Variants in KRT72 observed in about 807,000 individuals in gnomAD.
KRT72 encodes the protein keratin, type II cytoskeletal 72.
KRT72 carries 44 observed loss-of-function variants against 44.7 expected under a neutral mutation model. The observed-to-expected ratio is 0.98, with a 90% confidence interval of 0.77 to 1.27. KRT72 has a LOEUF of 1.27. KRT72 is among the 50% of genes most tolerant of loss of function. The pLI, the probability that KRT72 is intolerant of heterozygous loss-of-function variation, is 0.00. For missense variants in KRT72, 736 were observed against 667.1 expected (o/e 1.10, Z -1.14); for synonymous variants, 302 against 280.4 (o/e 1.08, Z -0.77).
intron 5 of KRT72, 37 bp from the exon 6 acceptor site, chr12:52,590,998 T>A (rs201503262): frequency 2.6e-6 from 4 of 1,557,048 alleles, no homozygotes; most frequent in Admixed American, 3.4e-5. Context: ...AACACAAGGA[T>A]CCTACTGAAC....
At position 52,601,363 on chromosome 12, in the gene KRT72, G is replaced by A. The variant is rs1239994669; in HGVS notation, c.90C>T (p.Ser30=). 3 of 1,543,648 alleles carry A rather than the reference G, an allele frequency of 1.9e-6. No individual in the cohort carries two copies. The East Asian group carries it at 7.3e-5, about 38-fold the overall frequency. ...SAVLSGGIGS[S]SASFRARVKG... ...TGACCCGGGCCCGGAATGAGGCGGA[G>A]CTGCTGCCGATCCCGCCAGAGAGGA... The change falls in exon 1 of 9, where the codon AGC becomes AGT. Residue 30 remains serine (S), a synonymous_variant. Coordinates refer to ENST00000293745, the MANE Select transcript of KRT72 (RefSeq NM_080747.3).
At position 52,585,849 on chromosome 12, in the gene KRT72, G is replaced by A; in HGVS notation, c.*133C>T. The stretch of plus-strand genomic sequence containing the variant: ...GAAGCATCACACCTTGAGGACAACA[G>A]GGAGAGGAAATGGGGTTGGGACTGT... On this transcript the variant is annotated 3_prime_UTR_variant, in exon 9 of 9. Coordinates refer to ENST00000293745, the MANE Select transcript of KRT72 (RefSeq NM_080747.3). 3.7e-6 allele frequency: 3 copies of A among 808,708 alleles called. No individual in the cohort carries two copies. Among genetic ancestry groups the A allele is most frequent in the Non-Finnish European group, 6.1e-6 (3 of 494,234 alleles). The allele number at this position is 808,708 out of a possible 1,614,324, so 50.1% of individuals were successfully genotyped here. A position where few individuals can be genotyped will look rare whatever the true frequency, so the allele number is the denominator to read the frequency against.
chr12:52,590,902 A>G lies in KRT72; in HGVS notation c.1023T>C (p.Ala341=), dbSNP rs1253552220. The G allele has an allele frequency of 1.2e-6, 2 of 1,607,806 alleles. No individual in the cohort carries two copies. The highest frequency in any genetic ancestry group is 4.5e-5 in the East Asian group (2 of 44,772). Residue 341 remains alanine (A), a synonymous_variant, in exon 6 of 9, where the codon GCT becomes GCC. Coordinates refer to ENST00000293745, the MANE Select transcript of KRT72 (RefSeq NM_080747.3). ...TCAGGCGGTTGAGCTCAGAGATTTC[A>G]GCCTTGGTGAGCTTGAGGTCATCCC... ...QHGDDLKLTK[A]EISELNRLIQ... is the part of the protein sequence containing the mutation.
Position 52,587,833 on chromosome 12 carries a change from C to T in KRT72, c.1108G>A (p.Ala370Thr), listed in dbSNP as rs1939841306. Residue 370 changes from alanine (A) to threonine (T), a missense_variant, in exon 7 of 9, where the codon GCC becomes ACC. By Grantham distance (58) the Ala-to-Thr change is moderately conservative. Coordinates refer to ENST00000293745, the MANE Select transcript of KRT72 (RefSeq NM_080747.3). ...VKKQCADLET[A>T]IADAEQRGDC... Reference sequence around the variant, plus strand: ...CCCCGCTGTTCAGCGTCGGCGATGGCCGTCTCCAGATCGGCACACTGAGGG... The same window carrying T: ...CCCCGCTGTTCAGCGTCGGCGATGGTCGTCTCCAGATCGGCACACTGAGGG... The T allele has an allele frequency of 6.2e-7, 1 of 1,614,064 alleles. No homozygotes were observed. Among genetic ancestry groups the T allele is most frequent in the South Asian group, 1.1e-5 (1 of 91,066 alleles).
intron 8 of KRT72, 99 bp downstream of exon 8, chr12:52,586,847 C>G (rs1390355458): frequency 8.6e-7 from 1 of 1,166,788 alleles, no homozygotes; most frequent in Non-Finnish European, 1.3e-6. Context: ...CCCCTGAGCC[C>G]CCTCTGTCAT....
intron 2 of KRT72, among the ~76,000 whole-genome samples, chr12:52,594,203 A>G (rs1310033236): frequency 6.6e-6 from 1 of 152,172 alleles, no homozygotes; most frequent in Non-Finnish European, 1.5e-5. Context: ...GAGTGTGGCA[A>G]TTCCTCAAGG....
At chr12:52,599,288 G>A in intron 1 of KRT72, 176 bp from the exon 2 acceptor site, 1 of 687,924 alleles carries the variant, frequency 1.5e-6, no homozygotes, top group Non-Finnish European at 2.6e-6. Flanking sequence ...TCCAAGACAA[G>A]AAATAGGACC....
intron 5 of KRT72, 52 bp from the exon 6 acceptor site, chr12:52,591,013 G>A: frequency 2.0e-6 from 3 of 1,498,694 alleles, no homozygotes; most frequent in African/African-American, 1.4e-5. Flanking sequence ...CTGAACTAGG[G>A]CAGGTCCCTT....
In KRT72 at chr12:52,593,706, A is replaced by G. The variant is rs1940137371; in HGVS notation, c.642-754T>C. Among the ~76,000 whole-genome samples, 2 of 152,212 alleles carry G rather than the reference A, an allele frequency of 1.3e-5. 1 individual carries two copies. The highest frequency in any genetic ancestry group is 4.1e-4 in the South Asian group (2 of 4,828). On this transcript the variant is annotated intron_variant, in intron 2 of 8. Coordinates refer to ENST00000293745, the MANE Select transcript of KRT72 (RefSeq NM_080747.3). Reference sequence around the variant, plus strand: ...TTAGAAAGAAAAAAAATTCTACAATATGCTACGACATGGATGAACCTTGAG... The same window carrying G: ...TTAGAAAGAAAAAAAATTCTACAATGTGCTACGACATGGATGAACCTTGAG...
rs748919132 is a variant in KRT72 at position 52,590,882 on chromosome 12, C to T, written c.1043G>A (p.Arg348His). 1.2e-5 allele frequency: 19 copies of T among 1,604,930 alleles called. No individual in the cohort carries two copies. The Admixed American group carries it at 2.2e-4, about 18-fold the overall frequency. The change falls in exon 6 of 9, where the codon CGC becomes CAC. Residue 348 changes from arginine (R) to histidine (H), a missense_variant. Physicochemically the swap from Arg to His is conservative, Grantham distance 29. Coordinates refer to ENST00000293745, the MANE Select transcript of KRT72 (RefSeq NM_080747.3). ...CTCTGAGCGGATCCTCTGGATCAGGCGGTTGAGCTCAGAGATTTCAGCCTT... is the reference window on the plus strand; with the variant it reads ...CTCTGAGCGGATCCTCTGGATCAGGTGGTTGAGCTCAGAGATTTCAGCCTT... The part of the protein sequence containing the change: ...LTKAEISELN[R>H]LIQRIRSEIG...
In KRT72 at chr12:52,601,048, CTTG is replaced by C. The variant is rs756263374; in HGVS notation, c.402_404del (p.Asn134del). The C allele has an allele frequency of 1.4e-4, 230 of 1,611,970 alleles. 2 individuals carry two copies. Among genetic ancestry groups the C allele is most frequent in the South Asian group, 8.5e-4 (77 of 90,770 alleles). The stretch of plus-strand genomic sequence containing the variant: ...TCACCTTGTCGATGAAGGAGGCGAA[CTTG>C]TTGTTTAGCGCCTTGATCTGCTCCC... On this transcript the variant is annotated inframe_deletion, in exon 1 of 9. Transcript: ENST00000293745.
At position 52,592,393 on chromosome 12, in the gene KRT72, T is replaced by C. The variant is rs373308271; in HGVS notation, c.798+3A>G. ...TCACAAGAGAGGTCAGCCAAGTCCT[T>C]ACCCCTTCATAAAGGCACTTGAAGA... On this transcript the variant is annotated splice_donor_region_variant and intron_variant, in intron 4 of 8. Transcript: ENST00000293745. 22 of 1,598,884 alleles carry C rather than the reference T, an allele frequency of 1.4e-5. No homozygotes were observed. The African/African-American group carries it at 2.1e-4, about 16-fold the overall frequency.
chr12:52,597,585 A>G (rs1224434251), intron 2 of KRT72, among the ~76,000 whole-genome samples: 1 of 152,204 alleles, frequency 6.6e-6, no homozygotes, highest in African/African-American at 2.4e-5. Flanking sequence ...TATGAAGTAG[A>G]TTCTATTATT....
chr12:52,599,324 G>A, intron 1 of KRT72: 1 of 635,408 alleles, frequency 1.6e-6, no homozygotes, highest in East Asian at 3.3e-5. Flanking sequence ...CAGGAAGAGG[G>A]CTTAAGCAAT....
At chr12:52,588,417 G>A (rs571533046) in intron 6 of KRT72, among the ~76,000 whole-genome samples, 5 of 152,282 alleles carry the variant, frequency 3.3e-5, no homozygotes, top group South Asian at 4.1e-4. Flanking sequence ...ACCAAACACC[G>A]CATGTTCTCA....
intron 6 of KRT72, 150 bp from the exon 7 acceptor site, chr12:52,588,001 TG>T: frequency 1.4e-6 from 1 of 716,628 alleles, no homozygotes; most frequent in Non-Finnish European, 2.3e-6. Context: ...GAGGTGAGTC[TG>T]TCCTTCCCCT....
Position 52,601,213 on chromosome 12 carries a change from G to A in KRT72, c.240C>T (p.Gly80=), listed in dbSNP as rs753679564. Residue 80 remains glycine (G), a synonymous_variant, in exon 1 of 9, where the codon GGC becomes GGT. Transcript: ENST00000293745. ...RLGGFVGTAF[G]SAGLGPKCPS... Reference sequence around the variant, plus strand: ...GACACTTGGGCCCCAGCCCGGCGCTGCCGAAGGCGGTGCCCACGAAGCCGC... The same window carrying A: ...GACACTTGGGCCCCAGCCCGGCGCTACCGAAGGCGGTGCCCACGAAGCCGC... The A allele has an allele frequency of 6.2e-6, 10 of 1,607,930 alleles. No homozygotes were observed. The Admixed American group carries it at 8.4e-5, about 14-fold the overall frequency.
intron 7 of KRT72, 22 bp downstream of exon 7, chr12:52,587,609 A>G (rs1291825193): frequency 2.5e-6 from 4 of 1,613,264 alleles, no homozygotes; most frequent in South Asian, 1.1e-5. Flanking sequence ...TGGTCCCGAC[A>G]CAAGGGTATC....
chr12:52,602,628 A>T (rs1940513789), upstream of KRT72, among the ~76,000 whole-genome samples: 1 of 152,144 alleles, frequency 6.6e-6, no homozygotes, highest in Admixed American at 6.5e-5. Context: ...TATCAGATTG[A>T]CAGGGCCCCC....
Sources: allele counts gnomAD v4.1 joint callset (sites outside exome capture counted in the v4.1 genomes callset), GRCh38; gene constraint gnomAD v4.1.1; transcripts MANE v1.5; gene names NCBI Gene and HGNC (gene_info 2026-07-23, HGNC 2026-07-21).